The following NKIRAS1 variants were observed in gnomAD, a reference collection of about 807,000 sequenced individuals.
The protein encoded by NKIRAS1 is NF-kappa-B inhibitor-interacting Ras-like protein 1.
A neutral mutation model predicts 19.8 loss-of-function variants in NKIRAS1; 16 were observed. That is an observed-to-expected ratio of 0.81 (90% CI 0.55 to 1.23). The LOEUF (loss-of-function observed/expected upper bound fraction) is 1.23, where lower values mean the gene tolerates loss of function less well. NKIRAS1 is among the 50% of genes most tolerant of loss of function. The pLI is 0.00. For missense variants in NKIRAS1, 184 were observed against 220.0 expected, an observed-to-expected ratio of 0.84 and a Z score of 1.04; for synonymous variants, 88 against 79.0, an observed-to-expected ratio of 1.11 and a Z score of -0.61.
chr3:23,915,329 T>C (rs553130531), intron 1 of NKIRAS1, among the ~76,000 whole-genome samples: 1 of 152,220 alleles, frequency 6.6e-6, no homozygotes, highest in Admixed American at 6.5e-5. Context: ...AAATGTACTC[T>C]CCCCTAGTAC....
rs140257405 is a variant in NKIRAS1, at chr3:23,913,448, A to C, written c.-139-1998T>G. Among the ~76,000 whole-genome samples the C allele has an allele frequency of 2.0e-3, 308 of 152,368 alleles. No individual in the cohort carries two copies. The Middle Eastern group carries it at 0.02, about 10-fold the overall frequency. ...ATTCTAGGTTCCTGGTTGCCTTCCAAATAGGAAACAATACCACTACATAAA... is the reference window on the plus strand; with the variant it reads ...ATTCTAGGTTCCTGGTTGCCTTCCACATAGGAAACAATACCACTACATAAA... On this transcript the variant is annotated intron_variant, in intron 1 of 4. Coordinates refer to ENST00000425478, the MANE Select transcript of NKIRAS1 (RefSeq NM_020345.4).
At chr3:23,946,300 T>C in intron 1 of NKIRAS1, 2 of 985,266 alleles carry the variant, frequency 2.0e-6, no homozygotes, top group Non-Finnish European at 2.4e-6. Context: ...AACCGGCGCC[T>C]GGGGAGGCTG....
chr3:23,940,326 G>T (rs552349168), intron 1 of NKIRAS1, among the ~76,000 whole-genome samples: 1 of 147,214 alleles, frequency 6.8e-6, no homozygotes, highest in Non-Finnish European at 1.5e-5. Flanking sequence ...CAGCTGGGGC[G>T]ACAAAGCCAG....
intron 1 of NKIRAS1, among the ~76,000 whole-genome samples, chr3:23,915,328 C>G (rs1252291689): frequency 6.6e-6 from 1 of 152,162 alleles, no homozygotes; most frequent in Non-Finnish European, 1.5e-5. Context: ...TAAATGTACT[C>G]TCCCCTAGTA....
chr3:23,920,063 A>AAAC, upstream of NKIRAS1: 1 of 986,072 alleles, frequency 1.0e-6, no homozygotes, highest in Non-Finnish European at 1.2e-6. Context: ...TGGTAATGGT[A>AAAC]AACACTGGTG....
intron 1 of NKIRAS1, among the ~76,000 whole-genome samples, chr3:23,929,029 G>A (rs1331121360): frequency 7.4e-6 from 1 of 135,140 alleles, no homozygotes; most frequent in East Asian, 2.3e-4. Flanking sequence ...GAAAAGAAAA[G>A]AAAATATATT....
Position 23,916,938 on chromosome 3 carries a change from GAGACGCCCAGGCCGCTC to G in NKIRAS1, c.-311_-295del, listed in dbSNP as rs1559509948. 1 of 152,660 alleles carries G rather than the reference GAGACGCCCAGGCCGCTC, an allele frequency of 6.6e-6. No homozygotes were observed. Among genetic ancestry groups the G allele is most frequent in the Non-Finnish European group, 1.5e-5 (1 of 68,082 alleles). The allele number at this position is 152,660 out of a possible 1,614,324, so 9.5% of individuals were successfully genotyped here. On this transcript the variant is annotated 5_prime_UTR_variant, in exon 1 of 5. Coordinates refer to ENST00000425478, the MANE Select transcript of NKIRAS1 (RefSeq NM_020345.4). ...CTCGCCGCCAACTCTCTCACCTCTC[GAGACGCCCAGGCCGCTC>G]AGGCTCGAATCTTGCGGAGCAGGGG...
intron 1 of NKIRAS1, among the ~76,000 whole-genome samples, chr3:23,944,324 T>A (rs567892842): frequency 6.6e-6 from 1 of 152,146 alleles, no homozygotes. Flanking sequence ...CCACCTTCTA[T>A]AGTGAAGAAT....
intron 4 of NKIRAS1, 69 bp downstream of exon 4, chr3:23,900,739 C>T: frequency 8.0e-7 from 1 of 1,245,864 alleles, no homozygotes; most frequent in Non-Finnish European, 1.2e-6. Context: ...AATAAACTAC[C>T]CAAAAGTCTG....
At chr3:23,918,132 A>T, upstream of NKIRAS1, 2 of 1,423,718 alleles carry the variant, frequency 1.4e-6, no homozygotes, top group South Asian at 1.4e-5. Flanking sequence ...CTTTCTTCGC[A>T]TAGGGCTTTG....
intron 4 of NKIRAS1, among the ~76,000 whole-genome samples, 167 bp downstream of exon 4, chr3:23,900,641 C>CAA (rs57762803): frequency 0.013 from 1,440 of 113,556 alleles, 27 homozygotes; most frequent in East Asian, 0.061. Flanking sequence ...GACTCCGTCT[C>CAA]AAAAAAAAAA....
At chr3:23,911,252 G>C (rs1369175884) in intron 2 of NKIRAS1, 77 bp downstream of exon 2, 1 of 195,908 alleles carries the variant, frequency 5.1e-6, no homozygotes, top group African/African-American at 2.4e-5. Flanking sequence ...TCAAGAGTTC[G>C]GCACCAGCCT....
At chr3:23,935,686 C>T (rs1705379815) in intron 1 of NKIRAS1, among the ~76,000 whole-genome samples, 1 of 152,116 alleles carries the variant, frequency 6.6e-6, no homozygotes, top group African/African-American at 2.4e-5. Flanking sequence ...CCTTGGCTTC[C>T]CAAAGTGCTG....
At chr3:23,912,487 T>G (rs925678884) in intron 1 of NKIRAS1, among the ~76,000 whole-genome samples, 2 of 152,042 alleles carry the variant, frequency 1.3e-5, no homozygotes, top group Non-Finnish European at 2.9e-5. Flanking sequence ...AAAACCACAA[T>G]GAGATACCAT....
Position 23,927,067 on chromosome 3 carries a change from C to T in NKIRAS1, c.-139-15617G>A, listed in dbSNP as rs1705225197. On this transcript the variant is annotated intron_variant, in intron 1 of 4. Transcript: ENST00000421515. This position sits in a 1 kb window ranked among gnomAD's most constrained non-coding sequence, Gnocchi z 4.0. ...TTCAGCCTTGGGAAGGCTGACTAGA[C>T]ATTTAGCTTCTCCATCGATTTTAGT... 6.6e-6 allele frequency among the ~76,000 whole-genome samples: 1 copy of T among 152,204 alleles called. No individual in the cohort carries two copies. Among genetic ancestry groups the T allele is most frequent in the South Asian group, 2.1e-4 (1 of 4,826 alleles).
At chr3:23,925,671 C>T (rs537318914) in intron 1 of NKIRAS1, among the ~76,000 whole-genome samples, 1 of 147,164 alleles carries the variant, frequency 6.8e-6, no homozygotes, top group African/African-American at 2.6e-5. Context: ...TGTACTTTTA[C>T]TCAGTTTTTG....
rs552536618 is a variant in NKIRAS1, at chr3:23,946,257, A to AC, written c.-140+65dup. Reference sequence around the variant, plus strand: ...CGCCGCACGCTCTTTTCGCGAGGTGACCCCAAGGCGCGGACCCCGCGCAAA... The same window carrying AC: ...CGCCGCACGCTCTTTTCGCGAGGTGACCCCCAAGGCGCGGACCCCGCGCAAA... On this transcript the variant is annotated intron_variant, in intron 1 of 4. Transcript: ENST00000421515. The AC allele has an allele frequency of 2.4e-4, 235 of 985,370 alleles. No individual in the cohort carries two copies. The African/African-American group carries it at 3.5e-3, about 15-fold the overall frequency. 61.0% of individuals were successfully genotyped at this position (985,370 alleles called of 1,614,324 possible).
intron 1 of NKIRAS1, among the ~76,000 whole-genome samples, chr3:23,936,094 A>AAAAT (rs2125269095): frequency 6.7e-6 from 1 of 149,910 alleles, no homozygotes; most frequent in East Asian, 2.0e-4. Context: ...AAAAAAAAAA[A>AAAAT]AAAAAAAAAA....
exon 1 of NKIRAS1, chr3:23,946,447 C>A: frequency 3.6e-6 from 1 of 277,838 alleles, no homozygotes; most frequent in Non-Finnish European, 5.5e-6. Flanking sequence ...GCTTCGATCC[C>A]GAGCGACTCC....
Sources: allele counts gnomAD v4.1 joint callset (sites outside exome capture counted in the v4.1 genomes callset), GRCh38; gene constraint gnomAD v4.1.1; non-coding constraint Gnocchi (gnomAD v3.1); transcripts MANE v1.5; gene names NCBI Gene and HGNC (gene_info 2026-07-23, HGNC 2026-07-21).